ADAMTS6: variants seen among roughly 807,000 people sequenced by gnomAD.
ADAMTS6 encodes A disintegrin and metalloproteinase with thrombospondin motifs 6.
In ADAMTS6, 23 loss-of-function variants were observed where a neutral mutation model predicts 144.3. The observed-to-expected ratio is 0.16, with a 90% CI of 0.11 to 0.23. ADAMTS6 has a LOEUF of 0.23. ADAMTS6 is among the 10% of genes least tolerant of loss of function. The pLI is 1.00. For missense variants in ADAMTS6, 999 were observed against 1,379.6 expected, an observed-to-expected ratio of 0.72 and a Z score of 4.37; for synonymous variants, 444 against 457.5, an observed-to-expected ratio of 0.97 and a Z score of 0.38.
At chr5:65,300,298 A>G (rs1486438051) in intron 9 of ADAMTS6, among the ~76,000 whole-genome samples, 167 bp from the exon 10 acceptor site, 1 of 152,244 alleles carries the variant, frequency 6.6e-6, no homozygotes, top group African/African-American at 2.4e-5. Flanking sequence ...AGACTAAGGA[A>G]TAAGGAATAC....
intron 18 of ADAMTS6, among the ~76,000 whole-genome samples, chr5:65,223,786 C>T (rs1046386014): frequency 6.6e-6 from 1 of 150,596 alleles, no homozygotes; most frequent in Non-Finnish European, 1.5e-5. Context: ...GTGTAGATAT[C>T]TCTTTGAGAT....
intron 7 of ADAMTS6, among the ~76,000 whole-genome samples, chr5:65,437,730 C>A (rs2150227248): frequency 6.6e-6 from 1 of 152,246 alleles, no homozygotes; most frequent in South Asian, 2.1e-4. Flanking sequence ...CTTGTATACA[C>A]TAAATCATCT....
chr5:65,170,252 T>C (rs1212823956), intron 24 of ADAMTS6, among the ~76,000 whole-genome samples: 2 of 152,212 alleles, frequency 1.3e-5, no homozygotes, highest in Non-Finnish European at 2.9e-5. Context: ...TCCACTGTCA[T>C]ATCCAAAAAG....
intron 15 of ADAMTS6, among the ~76,000 whole-genome samples, chr5:65,237,593 T>C (rs945433583): frequency 6.6e-6 from 1 of 152,128 alleles, no homozygotes; most frequent in African/African-American, 2.4e-5. Context: ...ATAAAGATTC[T>C]ATTTTGGGAA....
intron 24 of ADAMTS6, among the ~76,000 whole-genome samples, chr5:65,160,639 C>T (rs1022552531): frequency 1.5e-5 from 2 of 136,836 alleles, no homozygotes; most frequent in South Asian, 2.3e-4. Flanking sequence ...TGCTAAAAGG[C>T]ATTTCTTTCC....
At chr5:65,290,517 C>T (rs1580309803) in intron 11 of ADAMTS6, among the ~76,000 whole-genome samples, 1 of 151,922 alleles carries the variant, frequency 6.6e-6, no homozygotes, top group Non-Finnish European at 1.5e-5. Context: ...CACCACTGCA[C>T]TCCAGCCTGG....
intron 8 of ADAMTS6, among the ~76,000 whole-genome samples, chr5:65,333,763 G>GA (rs1294096006): frequency 6.6e-6 from 1 of 150,972 alleles, no homozygotes; most frequent in Non-Finnish European, 1.5e-5. Context: ...TAATGAATTT[G>GA]AATCATATTC....
intron 13 of ADAMTS6, among the ~76,000 whole-genome samples, chr5:65,262,333 T>C (rs1175835876): frequency 6.6e-6 from 1 of 152,214 alleles, no homozygotes; most frequent in Non-Finnish European, 1.5e-5. Context: ...TTTTAACACA[T>C]GGGCAGTATT....
intron 7 of ADAMTS6, among the ~76,000 whole-genome samples, chr5:65,446,143 TA>T (rs1398083372): frequency 7.9e-5 from 12 of 152,332 alleles, no homozygotes; most frequent in African/African-American, 2.9e-4. Flanking sequence ...TAAAGATTTT[TA>T]AAAATCCATA....
chr5:65,327,177 C>T (rs1250833850), intron 9 of ADAMTS6, among the ~76,000 whole-genome samples: 1 of 152,132 alleles, frequency 6.6e-6, no homozygotes, highest in African/African-American at 2.4e-5. Flanking sequence ...GGTGCACTGG[C>T]TCCTGCTTTG....
chr5:65,387,826 G>C (rs1384030779), intron 7 of ADAMTS6, among the ~76,000 whole-genome samples: 1 of 152,156 alleles, frequency 6.6e-6, no homozygotes, highest in East Asian at 1.9e-4. Flanking sequence ...TCAGTGAATT[G>C]AAACAACAGT....
At chr5:65,443,226 A>G (rs1758002006) in intron 7 of ADAMTS6, among the ~76,000 whole-genome samples, 1 of 152,228 alleles carries the variant, frequency 6.6e-6, no homozygotes, top group Non-Finnish European at 1.5e-5. Context: ...TGCTTGAAAT[A>G]GAAACAGTTT....
At chr5:65,444,948 T>C (rs1010213917) in intron 7 of ADAMTS6, among the ~76,000 whole-genome samples, 2 of 152,236 alleles carry the variant, frequency 1.3e-5, no homozygotes, top group African/African-American at 4.8e-5. Context: ...CCTTATCTCA[T>C]GCAGTTATTT....
In ADAMTS6 at chr5:65,451,640, C is replaced by T. The variant is rs1254345459; in HGVS notation, c.928-20G>A. 3 of 1,609,664 alleles carry T rather than the reference C, an allele frequency of 1.9e-6. No individual in the cohort carries two copies. Among genetic ancestry groups the T allele is most frequent in the Non-Finnish European group, 8.5e-7 (1 of 1,178,438 alleles). Reference sequence around the variant, plus strand: ...GTTTGGCTGCAATACAACATGCATACCAGAAATGTTCCAAACAAATTACTA... The same window carrying T: ...GTTTGGCTGCAATACAACATGCATATCAGAAATGTTCCAAACAAATTACTA... On this transcript the variant is annotated intron_variant, in intron 6 of 24. Coordinates refer to ENST00000381055, the MANE Select transcript of ADAMTS6 (RefSeq NM_197941.4).
At chr5:65,218,866 T>C (rs1757111179) in intron 18 of ADAMTS6, among the ~76,000 whole-genome samples, 1 of 152,136 alleles carries the variant, frequency 6.6e-6, no homozygotes, top group African/African-American at 2.4e-5. Flanking sequence ...GGAGGTAAAC[T>C]GTTGTAAGGG....
intron 22 of ADAMTS6, among the ~76,000 whole-genome samples, chr5:65,186,513 T>C (rs899405465): frequency 1.3e-5 from 2 of 152,214 alleles, no homozygotes; most frequent in Non-Finnish European, 2.9e-5. Context: ...GGTCTCCTAT[T>C]ATGATTTTCC....
intron 8 of ADAMTS6, among the ~76,000 whole-genome samples, chr5:65,332,715 A>C (rs944828161): frequency 1.3e-5 from 2 of 152,128 alleles, no homozygotes; most frequent in African/African-American, 4.8e-5. Flanking sequence ...TGTAAAAGTT[A>C]ATGTACTGAA....
intron 7 of ADAMTS6, among the ~76,000 whole-genome samples, chr5:65,437,765 T>C (rs1217790606): frequency 6.6e-6 from 1 of 152,232 alleles, no homozygotes; most frequent in Non-Finnish European, 1.5e-5. Flanking sequence ...ATACCTAGTA[T>C]AGTGTAAATG....
At chr5:65,319,317 A>G (rs1253996250) in intron 9 of ADAMTS6, among the ~76,000 whole-genome samples, 1 of 152,010 alleles carries the variant, frequency 6.6e-6, no homozygotes, top group Non-Finnish European at 1.5e-5. Flanking sequence ...ACGTTTTTAA[A>G]TAAAGGACAA....
Sources: gnomAD v4.1 joint callset for allele counts (sites outside exome capture counted in the v4.1 genomes callset) on GRCh38, gnomAD v4.1.1 for gene constraint, MANE v1.5 for transcripts, NCBI Gene and HGNC (gene_info 2026-07-23, HGNC 2026-07-21) for gene names.